SASH1: variants seen among roughly 807,000 people sequenced by gnomAD.
SASH1 encodes the protein SAM and SH3 domain-containing protein 1.
SASH1 carries 44 observed loss-of-function variants against 125.2 expected under a neutral mutation model. That is an observed-to-expected ratio of 0.35 (90% CI 0.28 to 0.45). SASH1 has a LOEUF of 0.45. Among genes scored for constraint, SASH1 ranks in the 20% least tolerant of loss-of-function variants. The probability of loss-of-function intolerance (pLI) is 1.00; values close to 1 mark genes in which losing one functional copy is unlikely to be tolerated. For missense variants in SASH1, 1,426 were observed against 1,614.5 expected, an observed-to-expected ratio of 0.88 and a Z score of 2.00; for synonymous variants, 639 against 649.1, an observed-to-expected ratio of 0.98 and a Z score of 0.24.
intron 1 of SASH1, among the ~76,000 whole-genome samples, chr6:148,309,136 T>C (rs772862043): frequency 1.1e-4 from 17 of 149,774 alleles, no homozygotes; most frequent in Non-Finnish European, 1.6e-4. Context: ...CCATCAGGAA[T>C]GGCTTGGTGC....
intron 1 of SASH1, among the ~76,000 whole-genome samples, chr6:148,387,103 CCTTT>C (rs934828259): frequency 6.3e-5 from 9 of 142,674 alleles, no homozygotes; most frequent in African/African-American, 2.3e-4. Flanking sequence ...CTCTCTCCTT[CCTTT>C]CTTTCTTTTC....
At chr6:148,390,741 T>TC (rs1458287547) in intron 2 of SASH1, among the ~76,000 whole-genome samples, 1 of 150,460 alleles carries the variant, frequency 6.6e-6, no homozygotes, top group African/African-American at 2.5e-5. Flanking sequence ...TGAGCCAAGA[T>TC]CACGCCACTG....
At chr6:148,248,643 A>C in the SASH1 span, among the ~76,000 whole-genome samples, 1 of 152,208 alleles carries the variant, frequency 6.6e-6, no homozygotes, top group Non-Finnish European at 1.5e-5. Flanking sequence ...TCTTTGGAAC[A>C]TTTGCAACAT....
At chr6:148,220,421 A>C in the SASH1 span, among the ~76,000 whole-genome samples, 2 of 152,180 alleles carry the variant, frequency 1.3e-5, no homozygotes, top group Non-Finnish European at 2.9e-5. Flanking sequence ...CATCCATGAC[A>C]ATCACTTCCC....
chr6:148,481,949 A>C (rs1256667607), intron 7 of SASH1, among the ~76,000 whole-genome samples: 1 of 152,204 alleles, frequency 6.6e-6, no homozygotes, highest in Non-Finnish European at 1.5e-5. Context: ...TGTGATGTGC[A>C]GTGAAGTGAA....
the SASH1 span, among the ~76,000 whole-genome samples, chr6:148,218,880 G>C: frequency 8.5e-5 from 13 of 152,134 alleles, no homozygotes; most frequent in Admixed American, 1.3e-4. Flanking sequence ...TAATGAAAAG[G>C]ATCTTGCATT....
intron 1 of SASH1, among the ~76,000 whole-genome samples, chr6:148,310,538 T>G (rs1270944897): frequency 6.6e-6 from 1 of 151,998 alleles, no homozygotes; most frequent in Non-Finnish European, 1.5e-5. Context: ...CATGGATAAA[T>G]TGAACTTAGT....
the SASH1 span, among the ~76,000 whole-genome samples, chr6:148,237,861 C>G: frequency 6.6e-6 from 1 of 152,190 alleles, no homozygotes; most frequent in Non-Finnish European, 1.5e-5. Context: ...CTGGCCTCCC[C>G]CTACCCTTCC....
intron 1 of SASH1, among the ~76,000 whole-genome samples, chr6:148,319,484 A>T (rs1202633961): frequency 6.6e-6 from 1 of 152,054 alleles, no homozygotes; most frequent in Non-Finnish European, 1.5e-5. Flanking sequence ...AAACTCAATA[A>T]ATAAATATGT....
intron 1 of SASH1, among the ~76,000 whole-genome samples, chr6:148,326,371 T>TATACAC (rs1554235360): frequency 8.1e-5 from 6 of 74,494 alleles, no homozygotes; most frequent in Non-Finnish European, 1.3e-4. Context: ...TATATATATA[T>TATACAC]ATACATTCTT....
At chr6:148,330,351 G>C (rs1382550416) in intron 1 of SASH1, among the ~76,000 whole-genome samples, 1 of 152,128 alleles carries the variant, frequency 6.6e-6, no homozygotes, top group Non-Finnish European at 1.5e-5. Flanking sequence ...CAGAGCAAGA[G>C]TTTTAACTGG....
At chr6:148,332,709 G>A (rs1781030864) in intron 1 of SASH1, among the ~76,000 whole-genome samples, 1 of 152,072 alleles carries the variant, frequency 6.6e-6, no homozygotes, top group South Asian at 2.1e-4. Flanking sequence ...TCTACTGGCC[G>A]GGTGCGGTGG....
At chr6:148,341,945 C>T (rs78981576), upstream of SASH1, among the ~76,000 whole-genome samples, 4,101 of 152,294 alleles carry the variant, frequency 0.027, 88 homozygotes, top group Non-Finnish European at 0.042. Flanking sequence ...AATCACCTCT[C>T]CAGGGCTAGT....
chr6:148,209,284 T>G, the SASH1 span, among the ~76,000 whole-genome samples: 61 of 152,230 alleles, frequency 4.0e-4, 1 homozygote, highest in Admixed American at 4.0e-3. Flanking sequence ...GTCCTGTGAC[T>G]GAAATATTAA....
intron 1 of SASH1, among the ~76,000 whole-genome samples, chr6:148,359,589 G>T (rs4896996): frequency 6.6e-6 from 1 of 152,040 alleles, no homozygotes. Context: ...AGGATTTTGG[G>T]TATTCCATAA....
intron 9 of SASH1, among the ~76,000 whole-genome samples, chr6:148,518,080 C>T (rs547385433): frequency 2.6e-5 from 4 of 152,104 alleles, no homozygotes; most frequent in Non-Finnish European, 5.9e-5. Flanking sequence ...GAAGAGGTTG[C>T]CATTTTTATT....
chr6:148,235,253 C>T, the SASH1 span, among the ~76,000 whole-genome samples: 1 of 152,066 alleles, frequency 6.6e-6, no homozygotes, highest in African/African-American at 2.4e-5. Flanking sequence ...GATTAACAGC[C>T]CCTGATTGCT....
At chr6:148,493,968 G>T (rs767992184) in intron 8 of SASH1, among the ~76,000 whole-genome samples, 3 of 152,154 alleles carry the variant, frequency 2.0e-5, no homozygotes, top group Non-Finnish European at 4.4e-5. Context: ...AGGGGTGATT[G>T]TAAGAGTTCT....
At chr6:148,498,918 T>G (rs888792030) in intron 8 of SASH1, among the ~76,000 whole-genome samples, 2 of 152,218 alleles carry the variant, frequency 1.3e-5, no homozygotes, top group Non-Finnish European at 2.9e-5. Flanking sequence ...CAGGCACTAT[T>G]GTTATTCGTA....
Sources: gnomAD v4.1 joint callset for allele counts (sites outside exome capture counted in the v4.1 genomes callset) on GRCh38, gnomAD v4.1.1 for gene constraint, MANE v1.5 for transcripts, NCBI Gene and HGNC (gene_info 2026-07-23, HGNC 2026-07-21) for gene names.